TSHZ2: variants seen among roughly 807,000 people sequenced by gnomAD.
TSHZ2 encodes the protein teashirt zinc finger homeobox 2.
In TSHZ2, 21 loss-of-function variants were observed where a neutral mutation model predicts 74.4. The observed-to-expected ratio is 0.28, with a 90% CI of 0.20 to 0.41. The LOEUF (loss-of-function observed/expected upper bound fraction) is 0.41, where lower values mean the gene tolerates loss of function less well. TSHZ2 is among the 10% of genes least tolerant of loss of function. TSHZ2 has a pLI of 1.00. For missense variants in TSHZ2, 1,244 were observed against 1,293.5 expected (o/e 0.96, Z 0.59); for synonymous variants, 540 against 515.3 (o/e 1.05, Z -0.65).
In TSHZ2 at chr20:53,099,550, C is replaced by T. The variant is rs370922140; in HGVS notation, c.40+126217C>T. ...ATTGTATTAGTCTGTTTTCACGCTG[C>T]TGATAAAGACAAACCCAAGACTGGG... On this transcript the variant is annotated intron_variant, in intron 1 of 2. Transcript: ENST00000371497. Among the ~76,000 whole-genome samples, 125 of 152,256 alleles carry T rather than the reference C, an allele frequency of 8.2e-4. 3 individuals carry two copies. In the South Asian group the frequency reaches 0.025, roughly 30 times the overall value.
chr20:53,334,043 C>T (rs981832077), intron 2 of TSHZ2, among the ~76,000 whole-genome samples: 2 of 152,216 alleles, frequency 1.3e-5, no homozygotes, highest in Non-Finnish European at 2.9e-5. Flanking sequence ...GATATTCCCA[C>T]ACATCAGAAC....
chr20:53,469,083 A>ATATATATATATATATATATATG (rs1600664698), intron 2 of TSHZ2, among the ~76,000 whole-genome samples: 1 of 132,964 alleles, frequency 7.5e-6, no homozygotes, highest in African/African-American at 2.7e-5. Flanking sequence ...ATATATATAT[A>ATATATATATATATATATATATG]TGTACATATT....
intron 2 of TSHZ2, among the ~76,000 whole-genome samples, chr20:53,433,722 G>A (rs560648412): frequency 3.7e-4 from 57 of 152,162 alleles, no homozygotes; most frequent in Middle Eastern, 6.8e-3. Flanking sequence ...TGTTCTGTCA[G>A]TCCTTTTTAC....
At chr20:53,342,224 C>T (rs775125296) in intron 2 of TSHZ2, among the ~76,000 whole-genome samples, 3 of 151,662 alleles carry the variant, frequency 2.0e-5, no homozygotes, top group Non-Finnish European at 4.4e-5. Context: ...GCTCCAGGCT[C>T]ACACTCGGAA....
At chr20:53,275,036 G>A (rs1481133927) in intron 2 of TSHZ2, among the ~76,000 whole-genome samples, 1 of 152,132 alleles carries the variant, frequency 6.6e-6, no homozygotes, top group East Asian at 1.9e-4. Context: ...CTTTCTGACA[G>A]CACGGCTTAT....
At chr20:53,473,167 G>A (rs1254950190) in intron 2 of TSHZ2, among the ~76,000 whole-genome samples, 1 of 146,764 alleles carries the variant, frequency 6.8e-6, no homozygotes, top group African/African-American at 2.6e-5. Context: ...AGCTCAAGGA[G>A]TCCTGCCTGC....
At position 53,256,336 on chromosome 20, in the gene TSHZ2, T is replaced by G; in HGVS notation, c.2878T>G (p.Ser960Ala). The G allele has an allele frequency of 6.2e-7, 1 of 1,613,794 alleles. No homozygotes were observed. The highest frequency in any genetic ancestry group is 1.7e-4 in the Middle Eastern group (1 of 6,058). Reference sequence around the variant, plus strand: ...CCAAATGAAGGACATGACCCGCTTGTCAGTGGACCAGCAAAGCAAGGTGGA... The same window carrying G: ...CCAAATGAAGGACATGACCCGCTTGGCAGTGGACCAGCAAAGCAAGGTGGA... ...GFQMKDMTRL[S>A]VDQQSKVEQE... The change falls in exon 2 of 3, where the codon TCA becomes GCA. Residue 960 changes from serine (S) to alanine (A), a missense_variant. Coordinates refer to ENST00000371497, the MANE Select transcript of TSHZ2 (RefSeq NM_173485.6). This position sits in a 1 kb window ranked among gnomAD's most constrained non-coding sequence, Gnocchi z 4.3.
At chr20:53,008,664 T>C (rs920011027) in intron 1 of TSHZ2, among the ~76,000 whole-genome samples, 4 of 151,786 alleles carry the variant, frequency 2.6e-5, no homozygotes, top group African/African-American at 9.7e-5. Flanking sequence ...AGGGGGCTGA[T>C]ATAATAAGGA....
chr20:53,445,380 C>T (rs1222624403), intron 2 of TSHZ2, among the ~76,000 whole-genome samples: 1 of 152,196 alleles, frequency 6.6e-6, no homozygotes, highest in Admixed American at 6.5e-5. Context: ...TGCTTCTTTA[C>T]AATCACTAAC....
At chr20:53,317,133 A>G (rs200651) in intron 2 of TSHZ2, among the ~76,000 whole-genome samples, 75,174 of 151,936 alleles carry the variant, frequency 0.49, 18,904 homozygotes, top group Non-Finnish European at 0.54. Flanking sequence ...CCCAAATGCA[A>G]CAATGTCTAG....
chr20:53,029,184 GCTGA>G (rs1983549376), intron 1 of TSHZ2, among the ~76,000 whole-genome samples: 1 of 152,128 alleles, frequency 6.6e-6, no homozygotes, highest in Non-Finnish European at 1.5e-5. Context: ...TGCAGTAGCT[GCTGA>G]CTAAAATTGA....
At chr20:53,159,249 G>A (rs1322058079) in intron 1 of TSHZ2, among the ~76,000 whole-genome samples, 3 of 152,232 alleles carry the variant, frequency 2.0e-5, no homozygotes, top group African/African-American at 7.2e-5. Context: ...GGCTGAGCCT[G>A]TGTTTTTGTC....
intron 1 of TSHZ2, among the ~76,000 whole-genome samples, chr20:53,034,277 A>G (rs1983744232): frequency 6.6e-6 from 1 of 152,152 alleles, no homozygotes; most frequent in Non-Finnish European, 1.5e-5. Flanking sequence ...CAGTTTTCTC[A>G]TTTACAAGTT....
chr20:53,195,344 C>T (rs1346946998), intron 1 of TSHZ2, among the ~76,000 whole-genome samples: 1 of 151,680 alleles, frequency 6.6e-6, no homozygotes, highest in Non-Finnish European at 1.5e-5. Context: ...TGGTTGAAAG[C>T]GATTTTGTTC....
intron 1 of TSHZ2, among the ~76,000 whole-genome samples, chr20:53,095,835 G>A (rs1346302369): frequency 6.6e-6 from 1 of 152,064 alleles, no homozygotes; most frequent in African/African-American, 2.4e-5. Context: ...GAGAACCACT[G>A]CCTACTGTTA....
At chr20:53,451,927 G>C (rs1984802238) in intron 2 of TSHZ2, among the ~76,000 whole-genome samples, 1 of 152,248 alleles carries the variant, frequency 6.6e-6, no homozygotes, top group Non-Finnish European at 1.5e-5. Context: ...GGGAACCCAG[G>C]TGAGAAGAGC....
Position 53,433,224 on chromosome 20 carries a change from G to A in TSHZ2, c.*9-53920G>A, listed in dbSNP as rs114248354. Among the ~76,000 whole-genome samples the A allele has an allele frequency of 3.0e-3, 455 of 152,228 alleles. 5 individuals are homozygous for A. The highest frequency in any genetic ancestry group is 0.01 in the African/African-American group (417 of 41,550). ...AGAAAACAAAACTAGGATTTTGTCC[G>A]GGCACTGTGGCTTACACCTATAGTC... On this transcript the variant is annotated intron_variant, in intron 2 of 2. Transcript: ENST00000371497.
chr20:53,448,619 A>G (rs1984652668), intron 2 of TSHZ2, among the ~76,000 whole-genome samples: 1 of 152,182 alleles, frequency 6.6e-6, no homozygotes, highest in South Asian at 2.1e-4. Flanking sequence ...TTATCTTATT[A>G]CTGGTGATGT....
chr20:53,390,320 C>A (rs147509028), intron 2 of TSHZ2, among the ~76,000 whole-genome samples: 48 of 152,248 alleles, frequency 3.2e-4, no homozygotes, highest in South Asian at 3.1e-3. Flanking sequence ...ATTTTACATC[C>A]TTGATCTTGG....
Sources: allele counts gnomAD v4.1 joint callset (sites outside exome capture counted in the v4.1 genomes callset), GRCh38; gene constraint gnomAD v4.1.1; non-coding constraint Gnocchi (gnomAD v3.1); transcripts MANE v1.5; gene names NCBI Gene and HGNC (gene_info 2026-07-23, HGNC 2026-07-21).